The following ARHGAP6 variants were observed in gnomAD, a reference collection of about 807,000 sequenced individuals.
ARHGAP6 encodes the protein Rho GTPase activating protein 6.
ARHGAP6 carries 16 observed loss-of-function variants against 55.7 expected under a neutral mutation model. The observed-to-expected ratio is 0.29, with a 90% confidence interval of 0.19 to 0.44. The LOEUF is 0.44. ARHGAP6 is among the 20% of genes least tolerant of loss of function. The pLI, the probability that ARHGAP6 is intolerant of heterozygous loss-of-function variation, is 1.00. For synonymous variants in ARHGAP6, 382 were observed against 360.9 expected (o/e 1.06, Z -0.66); for missense variants, 698 against 808.9 (o/e 0.86, Z 1.66).
chrX:11,234,422 T>A (rs1278940506), intron 2 of ARHGAP6, among the ~76,000 whole-genome samples: 1 of 112,754 alleles, frequency 8.9e-6, no homozygotes, highest in African/African-American at 3.2e-5. Flanking sequence ...TTTTACAGCA[T>A]GCATTTTTTC....
chrX:11,240,449 T>A (rs1569269212), intron 2 of ARHGAP6, among the ~76,000 whole-genome samples: 1 of 112,057 alleles, frequency 8.9e-6, no homozygotes, highest in Non-Finnish European at 1.9e-5. Context: ...TCCCAGAGAT[T>A]TAGGAAGGGA....
intron 1 of ARHGAP6, among the ~76,000 whole-genome samples, chrX:11,261,353 A>T (rs747447260): frequency 1.8e-5 from 2 of 111,513 alleles, no homozygotes; most frequent in East Asian, 5.7e-4. Flanking sequence ...CTCTCATGGC[A>T]TGGACCATAA....
intron 1 of ARHGAP6, among the ~76,000 whole-genome samples, chrX:11,463,015 G>C (rs1002436047): frequency 1.8e-5 from 2 of 112,092 alleles, no homozygotes; most frequent in South Asian, 7.4e-4. Flanking sequence ...CAGAAATCTG[G>C]GTATCCATCT....
intron 1 of ARHGAP6, among the ~76,000 whole-genome samples, chrX:11,462,330 G>A (rs1318532250): frequency 8.9e-6 from 1 of 111,922 alleles, no homozygotes; most frequent in Non-Finnish European, 1.9e-5. Context: ...CTCCACCCAC[G>A]ACAATGCCCT....
intron 1 of ARHGAP6, among the ~76,000 whole-genome samples, chrX:11,377,544 A>G (rs1376228260): frequency 1.8e-5 from 2 of 112,268 alleles, no homozygotes; most frequent in South Asian, 3.7e-4. Context: ...TAAATCAGTT[A>G]ATTGTATGGT....
intron 1 of ARHGAP6, among the ~76,000 whole-genome samples, chrX:11,401,936 A>T (rs1365664485): frequency 8.9e-6 from 1 of 112,241 alleles, no homozygotes; most frequent in Non-Finnish European, 1.9e-5. Flanking sequence ...AGATCTGATA[A>T]CATGTTAAAT....
intron 5 of ARHGAP6, 103 bp from the exon 6 acceptor site, chrX:11,182,221 G>A (rs1569245055): frequency 1.7e-6 from 1 of 591,004 alleles, no homozygotes; most frequent in Admixed American, 3.1e-5. Context: ...GTAACATGTA[G>A]AGCAATAGTA....
chrX:11,218,433 T>C (rs996179035), intron 2 of ARHGAP6, among the ~76,000 whole-genome samples: 3 of 111,902 alleles, frequency 2.7e-5, no homozygotes, highest in African/African-American at 9.7e-5. Flanking sequence ...CTTTTTTTCT[T>C]GTGTCTCTGC....
In ARHGAP6 at chrX:11,139,054, C is replaced by T; in HGVS notation, c.2734G>A (p.Gly912Ser). 1 of 1,206,744 alleles carries T rather than the reference C, an allele frequency of 8.3e-7. No individual in the cohort carries two copies. The highest frequency in any genetic ancestry group is 1.1e-6 in the Non-Finnish European group (1 of 893,458). ...EGVETPTDQG[G>S]QAAEREQQVT... ...TGCTGCTCTCGCTCGGCTGCTTGGC[C>T]TCCCTGGTCCGTGGGTGTCTCCACG... The change falls in exon 13 of 13, where the codon GGC (glycine) becomes AGC (serine). Residue 912 changes from glycine to serine, a missense_variant. By Grantham distance (56) the Gly-to-Ser change is moderately conservative. Around this residue, in one of 3 missense-constraint regions of ARHGAP6, gnomAD observed 212 missense variants for 208.7 expected, o/e 1.02. Coordinates refer to ENST00000337414, the MANE Select transcript of ARHGAP6 (RefSeq NM_013427.3).
rs185012375 is a variant in ARHGAP6, at chrX:11,476,964, T to G, written c.588+187277A>C. Among the ~76,000 whole-genome samples the G allele has an allele frequency of 9.4e-4, 104 of 110,909 alleles. No homozygotes were observed. The Middle Eastern group carries it at 0.015, about 16-fold the overall frequency. ...ACCCAACAAGAACAGATGAAAATAT[T>G]AAAAATTGGACTCCATCAAAATTTA... On this transcript the variant is annotated intron_variant, in intron 1 of 12. Coordinates refer to ENST00000337414, the MANE Select transcript of ARHGAP6 (RefSeq NM_013427.3).
At chrX:11,458,715 G>A (rs372684469) in intron 1 of ARHGAP6, among the ~76,000 whole-genome samples, 6 of 111,894 alleles carry the variant, frequency 5.4e-5, no homozygotes, top group South Asian at 3.7e-4. Flanking sequence ...TTTCCTGAGC[G>A]CTGATCATGT....
intron 1 of ARHGAP6, among the ~76,000 whole-genome samples, chrX:11,634,542 A>C (rs2052397046): frequency 9.0e-6 from 1 of 111,725 alleles, no homozygotes; most frequent in Non-Finnish European, 1.9e-5. Context: ...TGTTCACTTT[A>C]GTGGTAGTCA....
intron 1 of ARHGAP6, among the ~76,000 whole-genome samples, chrX:11,328,188 A>G (rs1193485016): frequency 8.9e-6 from 1 of 112,337 alleles, no homozygotes; most frequent in Non-Finnish European, 1.9e-5. Context: ...TGTTGTCTAA[A>G]GTCATTTCTG....
At chrX:11,317,754 C>A (rs1160938756) in intron 1 of ARHGAP6, among the ~76,000 whole-genome samples, 1 of 111,487 alleles carries the variant, frequency 9.0e-6, no homozygotes, top group African/African-American at 3.3e-5. Flanking sequence ...TACAGCTTTA[C>A]ATGAAGGATG....
chrX:11,500,663 CA>C (rs995574477), intron 1 of ARHGAP6, among the ~76,000 whole-genome samples: 1,707 of 33,588 alleles, frequency 0.051, 12 homozygotes, highest in Non-Finnish European at 0.061. Flanking sequence ...CAGACTCTGT[CA>C]AAAAAAAAAA....
At chrX:11,239,613 A>G (rs187410575) in intron 2 of ARHGAP6, among the ~76,000 whole-genome samples, 26 of 111,540 alleles carry the variant, frequency 2.3e-4, no homozygotes, top group Non-Finnish European at 7.5e-5. Flanking sequence ...TAGGTGGCTT[A>G]TTAGGTTGTT....
At chrX:11,649,602 G>T (rs745836145) in intron 1 of ARHGAP6, among the ~76,000 whole-genome samples, 1 of 111,334 alleles carries the variant, frequency 9.0e-6, no homozygotes, top group African/African-American at 3.3e-5. Flanking sequence ...CAAATAAACT[G>T]CTTTCACCCA....
In ARHGAP6 at chrX:11,540,561, C is replaced by G. The variant is rs1190318415; in HGVS notation, c.588+123680G>C. Among the ~76,000 whole-genome samples, 3 of 111,361 alleles carry G rather than the reference C, an allele frequency of 2.7e-5. No individual in the cohort carries two copies. In the East Asian group the frequency reaches 8.4e-4, roughly 31 times the overall value. ...CAAATAGCTGGTCATTTTGATGTCC[C>G]CCCAGCTTGAGAGAGTCTTAGATCC... On this transcript the variant is annotated intron_variant, in intron 1 of 12. Coordinates refer to ENST00000337414, the MANE Select transcript of ARHGAP6 (RefSeq NM_013427.3).
At chrX:11,391,979 A>C (rs1341908687) in intron 1 of ARHGAP6, among the ~76,000 whole-genome samples, 1 of 112,310 alleles carries the variant, frequency 8.9e-6, no homozygotes, top group African/African-American at 3.2e-5. Flanking sequence ...TCTATGACTA[A>C]GCTCCTAGTT....
Sources: allele counts gnomAD v4.1 joint callset (sites outside exome capture counted in the v4.1 genomes callset), GRCh38; gene constraint gnomAD v4.1.1; regional missense constraint gnomAD v4.1.1; transcripts MANE v1.5; gene names NCBI Gene and HGNC (gene_info 2026-07-23, HGNC 2026-07-21).